The following GPC6 variants were observed in gnomAD, a reference collection of about 807,000 sequenced individuals.
GPC6 encodes glypican 6.
In GPC6, 14 loss-of-function variants were observed where a neutral mutation model predicts 55.2. The ratio of observed to expected loss-of-function variants is 0.25; its 90% CI spans 0.17 to 0.40. The LOEUF is 0.40. Ranked by LOEUF, GPC6 falls within the 10% of genes least tolerant of loss-of-function variation. The probability of loss-of-function intolerance (pLI) is 1.00; values close to 1 mark genes in which losing one functional copy is unlikely to be tolerated. For synonymous variants in GPC6, 278 were observed against 259.6 expected, an observed-to-expected ratio of 1.07 and a Z score of -0.68; for missense variants, 641 against 708.5, an observed-to-expected ratio of 0.90 and a Z score of 1.08.
intron 6 of GPC6, among the ~76,000 whole-genome samples, chr13:94,356,150 C>T (rs751123504): frequency 2.0e-5 from 3 of 152,216 alleles, no homozygotes; most frequent in Non-Finnish European, 2.9e-5. Context: ...GCATAGTATT[C>T]CATGCTGTAC....
At chr13:93,495,438 A>C (rs1158131681) in intron 1 of GPC6, among the ~76,000 whole-genome samples, 1 of 121,050 alleles carries the variant, frequency 8.3e-6, no homozygotes, top group Non-Finnish European at 1.7e-5. Context: ...AATTTTTTTC[A>C]AAGTTTTCAA....
chr13:94,106,553 G>A (rs1472859798), intron 4 of GPC6, among the ~76,000 whole-genome samples: 1 of 151,946 alleles, frequency 6.6e-6, no homozygotes, highest in African/African-American at 2.4e-5. Context: ...GAAGGAGAGA[G>A]GGAGGGAAAG....
At position 93,820,272 on chromosome 13, in the gene GPC6, A is replaced by G. The variant is rs8000256; in HGVS notation, c.320-9882A>G. 4.6e-3 allele frequency among the ~76,000 whole-genome samples: 705 copies of G among 152,238 alleles called. 8 individuals are homozygous for G. The highest frequency in any genetic ancestry group is 0.016 in the African/African-American group (675 of 41,556). The stretch of plus-strand genomic sequence containing the variant: ...GAATAATGCATTAAAATACATTATT[A>G]TATTCTTGATTTACTTGACTTACTG... On this transcript the variant is annotated intron_variant, in intron 2 of 8. Transcript: ENST00000377047.
At chr13:94,342,084 AC>A (rs1268453073) in intron 6 of GPC6, among the ~76,000 whole-genome samples, 1 of 152,238 alleles carries the variant, frequency 6.6e-6, no homozygotes, top group Non-Finnish European at 1.5e-5. Flanking sequence ...TTCTGCATCA[AC>A]ATCTGCCTTT....
intron 3 of GPC6, among the ~76,000 whole-genome samples, chr13:93,920,653 T>C (rs538230405): frequency 6.6e-6 from 1 of 152,316 alleles, no homozygotes; most frequent in South Asian, 2.1e-4. Context: ...AAGGCCATTC[T>C]AACAACGTTT....
intron 3 of GPC6, among the ~76,000 whole-genome samples, chr13:93,836,814 A>G (rs1025080431): frequency 2.0e-5 from 3 of 152,166 alleles, no homozygotes; most frequent in Non-Finnish European, 4.4e-5. Context: ...ATAAATCATT[A>G]AAAATGCAAG....
At chr13:93,778,364 TG>T (rs897173855) in intron 2 of GPC6, among the ~76,000 whole-genome samples, 1 of 152,180 alleles carries the variant, frequency 6.6e-6, no homozygotes, top group African/African-American at 2.4e-5. Context: ...AGAGATTTCC[TG>T]GGTGGTCTGC....
rs147103234 is a variant in GPC6, at chr13:93,299,636, G to A, written c.160+72020G>A. ...CCATTAGCACAGAGCCTGGCATAGT[G>A]TAGGCACTCATTACATTTTCTCTGC... On this transcript the variant is annotated intron_variant, in intron 1 of 8. Coordinates refer to ENST00000377047, the MANE Select transcript of GPC6 (RefSeq NM_005708.5). Among the ~76,000 whole-genome samples, 134 of 152,328 alleles carry A rather than the reference G, an allele frequency of 8.8e-4. 2 individuals are homozygous for A. The highest frequency in any genetic ancestry group is 3.5e-4 in the Non-Finnish European group (24 of 68,036).
At chr13:94,154,522 C>T (rs1398029679) in intron 4 of GPC6, 21 of 152,170 alleles carry the variant, frequency 1.4e-4, no homozygotes, top group Admixed American at 1.4e-3. Flanking sequence ...ACTTTGCCAA[C>T]ATGTACCATG....
At chr13:93,425,425 A>G (rs1012132422) in intron 1 of GPC6, among the ~76,000 whole-genome samples, 3 of 133,058 alleles carry the variant, frequency 2.3e-5, no homozygotes, top group African/African-American at 7.4e-5. Flanking sequence ...ACCAACCACA[A>G]CCTAAGGCAG....
chr13:93,265,970 A>G (rs1353442170), intron 1 of GPC6, among the ~76,000 whole-genome samples: 3 of 152,074 alleles, frequency 2.0e-5, no homozygotes, highest in Admixed American at 1.3e-4. Context: ...AAGAGTGTTT[A>G]TATAACAGAA....
At chr13:93,939,842 C>T (rs1436538055) in intron 3 of GPC6, among the ~76,000 whole-genome samples, 1 of 152,068 alleles carries the variant, frequency 6.6e-6, no homozygotes, top group Admixed American at 6.6e-5. Flanking sequence ...GTATTATATA[C>T]ATTATCATAT....
At chr13:93,643,707 C>T (rs1566465131) in intron 2 of GPC6, among the ~76,000 whole-genome samples, 1 of 152,044 alleles carries the variant, frequency 6.6e-6, no homozygotes, top group Non-Finnish European at 1.5e-5. Flanking sequence ...TATTTGTCCT[C>T]CTATAGGGAG....
At chr13:94,195,487 C>A (rs1342078259) in intron 4 of GPC6, among the ~76,000 whole-genome samples, 1 of 152,184 alleles carries the variant, frequency 6.6e-6, no homozygotes, top group Non-Finnish European at 1.5e-5. Context: ...AGTTGATTTT[C>A]CTTACATAGG....
At chr13:93,444,713 A>G (rs971768903) in intron 1 of GPC6, among the ~76,000 whole-genome samples, 3 of 152,218 alleles carry the variant, frequency 2.0e-5, no homozygotes, top group African/African-American at 7.2e-5. Flanking sequence ...TCAGGACACA[A>G]ACTCTCATAA....
intron 6 of GPC6, among the ~76,000 whole-genome samples, chr13:94,357,713 C>T (rs1484979976): frequency 6.6e-6 from 1 of 152,144 alleles, no homozygotes; most frequent in East Asian, 1.9e-4. Context: ...GTGCCCTTAC[C>T]TTTTCCCATT....
chr13:94,258,900 C>T (rs1594105365), intron 4 of GPC6, among the ~76,000 whole-genome samples: 1 of 152,272 alleles, frequency 6.6e-6, no homozygotes, highest in South Asian at 2.1e-4. Flanking sequence ...ATTGTTGCTT[C>T]TCAAGGCATC....
intron 2 of GPC6, among the ~76,000 whole-genome samples, chr13:93,582,332 T>C (rs114414070): frequency 7.9e-5 from 12 of 152,316 alleles, no homozygotes; most frequent in African/African-American, 2.6e-4. Flanking sequence ...GAAAAAGCTG[T>C]ATGCTCTGGA....
chr13:93,658,309 C>A (rs1419571767), intron 2 of GPC6, among the ~76,000 whole-genome samples: 1 of 151,746 alleles, frequency 6.6e-6, no homozygotes. Context: ...TTTTATTTAG[C>A]AAAATATTTT....
Sources: gnomAD v4.1 joint callset for allele counts (sites outside exome capture counted in the v4.1 genomes callset) on GRCh38, gnomAD v4.1.1 for gene constraint, MANE v1.5 for transcripts, NCBI Gene and HGNC (gene_info 2026-07-23, HGNC 2026-07-21) for gene names.